PTPRQ: variants seen among roughly 807,000 people sequenced by gnomAD.
PTPRQ encodes the protein protein tyrosine phosphatase receptor type Q.
PTPRQ carries 199 observed loss-of-function variants against 246.0 expected under a neutral mutation model. The observed-to-expected ratio is 0.81, with a 90% CI of 0.72 to 0.91. PTPRQ has a LOEUF of 0.91. PTPRQ is among the 40% of genes least tolerant of loss of function. PTPRQ has a pLI of 0.00. For missense variants in PTPRQ, 2,624 were observed against 2,528.4 expected, an observed-to-expected ratio of 1.04 and a Z score of -0.81; for synonymous variants, 869 against 853.2, an observed-to-expected ratio of 1.02 and a Z score of -0.32.
intron 7 of PTPRQ, among the ~76,000 whole-genome samples, chr12:80,470,899 G>C (rs1893604027): frequency 1.3e-5 from 2 of 152,140 alleles, no homozygotes; most frequent in African/African-American, 4.8e-5. Flanking sequence ...AGTAATTGGT[G>C]ATAGTAATGT....
intron 26 of PTPRQ, among the ~76,000 whole-genome samples, chr12:80,598,843 A>T (rs1036819825): frequency 3.3e-5 from 5 of 151,990 alleles, no homozygotes; most frequent in African/African-American, 4.8e-5. Context: ...ATTTATGTTT[A>T]TTCTTTTAGG....
At chr12:80,470,071 T>C (rs1893575783) in intron 7 of PTPRQ, among the ~76,000 whole-genome samples, 1 of 152,172 alleles carries the variant, frequency 6.6e-6, no homozygotes, top group African/African-American at 2.4e-5. Flanking sequence ...ATAAGTGAAG[T>C]CAACAGGTCT....
At chr12:80,639,514 A>T (rs941918889) in intron 35 of PTPRQ, among the ~76,000 whole-genome samples, 2 of 152,232 alleles carry the variant, frequency 1.3e-5, no homozygotes, top group African/African-American at 4.8e-5. Flanking sequence ...TCACGAATAG[A>T]ATTAAAATTC....
intron 17 of PTPRQ, among the ~76,000 whole-genome samples, chr12:80,523,019 T>G (rs1592611842): frequency 6.6e-6 from 1 of 152,202 alleles, no homozygotes; most frequent in East Asian, 1.9e-4. Context: ...GGTAAGCTAT[T>G]AATTATTGCC....
chr12:80,551,160 C>T (rs1452440847), intron 25 of PTPRQ, among the ~76,000 whole-genome samples: 1 of 152,074 alleles, frequency 6.6e-6, no homozygotes, highest in East Asian at 1.9e-4. Flanking sequence ...CAACTGAAGA[C>T]CTAGTTGGAG....
chr12:80,621,913 C>T (rs778121684), intron 32 of PTPRQ, 148 bp from the exon 33 acceptor site: 3 of 529,956 alleles, frequency 5.7e-6, no homozygotes, highest in Non-Finnish European at 8.9e-6. Context: ...ATATATTTCT[C>T]CTGATGATGA....
rs546072135 is a variant in PTPRQ at position 80,576,723 on chromosome 12, T to C, written c.4286-11406T>C. On this transcript the variant is annotated intron_variant, in intron 25 of 44. Transcript: ENST00000644991. ...AGACTCAATTCTTCATCTCTGGTGT[T>C]TTGATAATATGAGTACTCCTTTCAA... is the stretch of plus-strand genomic sequence containing the variant. 3.9e-5 allele frequency among the ~76,000 whole-genome samples: 6 copies of C among 152,294 alleles called. No individual in the cohort carries two copies. The South Asian group carries it at 1.2e-3, about 32-fold the overall frequency.
intron 19 of PTPRQ, among the ~76,000 whole-genome samples, chr12:80,536,858 C>G (rs1207715180): frequency 1.3e-5 from 2 of 152,150 alleles, no homozygotes; most frequent in Non-Finnish European, 2.9e-5. Context: ...AAACATTGCA[C>G]AATTGTTCCA....
Position 80,649,668 on chromosome 12 carries a change from C to T in PTPRQ, c.6023C>T (p.Ser2008Leu), listed in dbSNP as rs533166022. The T allele has an allele frequency of 4.1e-5, 63 of 1,547,762 alleles. No homozygotes were observed. The highest frequency in any genetic ancestry group is 1.7e-4 in the Middle Eastern group (1 of 5,972). The change falls in exon 37 of 45, where the codon TCG (serine) becomes TTG (leucine). Residue 2008 changes from serine (S) to leucine (L), a missense_variant and splice_region_variant. Ser to Leu is a moderately radical substitution (Grantham distance 145, BLOSUM62 -2). Coordinates refer to ENST00000644991, the MANE Select transcript of PTPRQ (RefSeq NM_001145026.2). ...NNNLKFQEEF[S>L]ELPKFLQDLS... ...AACCTAAAGTTTCAAGAAGAATTTT[C>T]GGTATGTTACTAGCAGTTGTCACAA...
At chr12:80,520,857 A>C (rs1895459179) in intron 17 of PTPRQ, among the ~76,000 whole-genome samples, 1 of 151,970 alleles carries the variant, frequency 6.6e-6, no homozygotes, top group Non-Finnish European at 1.5e-5. Flanking sequence ...ATGTTTTATA[A>C]TCCTTTGGGT....
At chr12:80,528,273 C>A (rs1038479754) in intron 17 of PTPRQ, among the ~76,000 whole-genome samples, 1 of 152,020 alleles carries the variant, frequency 6.6e-6, no homozygotes, top group Non-Finnish European at 1.5e-5. Context: ...GTATATTCCT[C>A]CAATAGCCCA....
chr12:80,582,783 C>T (rs115301272), intron 25 of PTPRQ, among the ~76,000 whole-genome samples: 1,643 of 152,060 alleles, frequency 0.011, 42 homozygotes, highest in African/African-American at 0.037. Flanking sequence ...AGAAGAGAGT[C>T]GGATATGAGG....
chr12:80,644,783 A>G (rs1412703241), intron 35 of PTPRQ, among the ~76,000 whole-genome samples: 2 of 152,092 alleles, frequency 1.3e-5, no homozygotes, highest in African/African-American at 2.4e-5. Flanking sequence ...CCTCAAAGAA[A>G]AATACAATTT....
chr12:80,594,861 G>T (rs1273510887), intron 26 of PTPRQ, among the ~76,000 whole-genome samples: 1 of 151,932 alleles, frequency 6.6e-6, no homozygotes, highest in African/African-American at 2.4e-5. Flanking sequence ...TGGTCTTTCT[G>T]CTCTCATTTT....
intron 17 of PTPRQ, among the ~76,000 whole-genome samples, chr12:80,526,219 C>G (rs961808806): frequency 3.3e-5 from 5 of 152,088 alleles, no homozygotes; most frequent in Admixed American, 1.3e-4. Flanking sequence ...CAGAATTGGC[C>G]ATCTCAGAGA....
chr12:80,654,717 G>A (rs1448460786), intron 38 of PTPRQ, among the ~76,000 whole-genome samples: 1 of 148,230 alleles, frequency 6.7e-6, no homozygotes, highest in African/African-American at 2.5e-5. Context: ...AAAATTAGCC[G>A]GGCGTGATGG....
At chr12:80,639,973 A>G (rs1180376076) in intron 35 of PTPRQ, among the ~76,000 whole-genome samples, 1 of 151,966 alleles carries the variant, frequency 6.6e-6, no homozygotes, top group Non-Finnish European at 1.5e-5. Flanking sequence ...ACAGCTAATA[A>G]GCAGGAGAGC....
intron 8 of PTPRQ, among the ~76,000 whole-genome samples, chr12:80,477,294 A>G (rs950179839): frequency 1.2e-4 from 19 of 152,180 alleles, no homozygotes; most frequent in Admixed American, 2.0e-4. Flanking sequence ...CTTACCAACT[A>G]TATTTAATTG....
intron 17 of PTPRQ, among the ~76,000 whole-genome samples, chr12:80,524,156 A>G (rs1223158610): frequency 6.6e-6 from 1 of 152,026 alleles, no homozygotes; most frequent in Non-Finnish European, 1.5e-5. Flanking sequence ...GTTGGTTTAA[A>G]GTCTGTTTTA....
Sources: gnomAD v4.1 joint callset for allele counts (sites outside exome capture counted in the v4.1 genomes callset) on GRCh38, gnomAD v4.1.1 for gene constraint, MANE v1.5 for transcripts, NCBI Gene and HGNC (gene_info 2026-07-23, HGNC 2026-07-21) for gene names.